The following PHLPP1 variants were observed in gnomAD, a reference collection of about 807,000 sequenced individuals.
The protein encoded by PHLPP1 is PH domain and leucine rich repeat protein phosphatase 1.
In PHLPP1, 42 loss-of-function variants were observed where a neutral mutation model predicts 117.2. The ratio of observed to expected loss-of-function variants is 0.36; its 90% CI spans 0.28 to 0.46. The LOEUF is 0.46. PHLPP1 is among the 20% of genes least tolerant of loss of function. The pLI is 1.00. For synonymous variants in PHLPP1, 1,042 were observed against 970.7 expected, an observed-to-expected ratio of 1.07 and a Z score of -1.37; for missense variants, 2,084 against 2,241.9, an observed-to-expected ratio of 0.93 and a Z score of 1.42.
chr18:62,736,573 T>TG (rs1310527031), intron 1 of PHLPP1, among the ~76,000 whole-genome samples: 2 of 152,210 alleles, frequency 1.3e-5, no homozygotes, highest in Admixed American at 6.5e-5. Context: ...ATATCACTGA[T>TG]TAATTCAGTG....
In PHLPP1 at chr18:62,979,540, CTG is replaced by C; in HGVS notation, c.*111_*112del. 1 of 1,223,054 alleles carries C rather than the reference CTG, an allele frequency of 8.2e-7. No individual in the cohort carries two copies. Among genetic ancestry groups the C allele is most frequent in the Non-Finnish European group, 1.1e-6 (1 of 888,902 alleles). 75.8% of individuals were successfully genotyped at this position (1,223,054 alleles called of 1,614,324 possible). On this transcript the variant is annotated 3_prime_UTR_variant, in exon 17 of 17. Coordinates refer to ENST00000262719, the MANE Select transcript of PHLPP1 (RefSeq NM_194449.4). Reference sequence around the variant, plus strand: ...TTACTCCACATCCTTCCCCCAGACACTGTTCCCAACCTGTCATCGCAGCTAAT... The same window carrying C: ...TTACTCCACATCCTTCCCCCAGACACTTCCCAACCTGTCATCGCAGCTAAT...
At chr18:62,970,500 C>T (rs994416684) in intron 14 of PHLPP1, among the ~76,000 whole-genome samples, 2 of 152,130 alleles carry the variant, frequency 1.3e-5, no homozygotes, top group Non-Finnish European at 2.9e-5. Context: ...CATGGTGGCT[C>T]ATGCCTGTAA....
chr18:62,778,550 G>T (rs115962263), intron 1 of PHLPP1, among the ~76,000 whole-genome samples: 368 of 152,256 alleles, frequency 2.4e-3, no homozygotes, highest in African/African-American at 7.7e-3. Flanking sequence ...ATTGTATACC[G>T]TGCTTATTCC....
intron 10 of PHLPP1, among the ~76,000 whole-genome samples, chr18:62,933,224 A>G (rs1909869360): frequency 6.6e-6 from 1 of 152,204 alleles, no homozygotes; most frequent in Admixed American, 6.5e-5. Context: ...TTCCTATCAA[A>G]CTACCAATGT....
rs1350618876 is a variant in PHLPP1, at chr18:62,838,826, T to A, written c.1816T>A (p.Ser606Thr). ...KKHQHCLAFS[S>T]SGPQSQTYYI... ...GCACCAACACTGTTTAGCATTTAGC[T>A]CCTCTGGACCCCAAAGCCAGACTTA... is the stretch of plus-strand genomic sequence containing the variant. Residue 606 changes from serine to threonine, a missense_variant, in exon 3 of 17, where the codon TCC (serine) becomes ACC (threonine). Physicochemically the swap from Ser to Thr is moderately conservative, Grantham distance 58. Around this residue, in one of 2 missense-constraint regions of PHLPP1, gnomAD observed 1,365 missense variants for 1,605.9 expected, o/e 0.85. Coordinates refer to ENST00000262719, the MANE Select transcript of PHLPP1 (RefSeq NM_194449.4). 6.2e-7 allele frequency: 1 copy of A among 1,613,710 alleles called. No homozygotes were observed.
intron 8 of PHLPP1, among the ~76,000 whole-genome samples, chr18:62,914,699 G>C (rs1917052237): frequency 6.6e-6 from 1 of 152,224 alleles, no homozygotes; most frequent in South Asian, 2.1e-4. Context: ...GTGAGCCACT[G>C]TGCTCTGCCT....
intron 1 of PHLPP1, among the ~76,000 whole-genome samples, chr18:62,776,368 G>A (rs1002417451): frequency 7.2e-5 from 11 of 152,232 alleles, no homozygotes; most frequent in African/African-American, 2.2e-4. Flanking sequence ...TCTTATTGCC[G>A]TCGACTGATT....
At chr18:62,730,133 A>G (rs924501475) in intron 1 of PHLPP1, among the ~76,000 whole-genome samples, 1 of 152,318 alleles carries the variant, frequency 6.6e-6, no homozygotes, top group African/African-American at 2.4e-5. Flanking sequence ...TTTGCTGAAT[A>G]TGGAAAACGT....
intron 1 of PHLPP1, among the ~76,000 whole-genome samples, chr18:62,719,368 A>C (rs1381516115): frequency 6.6e-6 from 1 of 152,246 alleles, no homozygotes; most frequent in Admixed American, 6.5e-5. Flanking sequence ...CATTTGCAGT[A>C]GAACAAAATT....
chr18:62,948,432 G>A (rs1035520269), intron 12 of PHLPP1, among the ~76,000 whole-genome samples: 1 of 152,102 alleles, frequency 6.6e-6, no homozygotes, highest in African/African-American at 2.4e-5. Context: ...TGGATTCCTG[G>A]ATTACAGAAT....
At chr18:62,930,519 A>G (rs1909777160) in intron 10 of PHLPP1, among the ~76,000 whole-genome samples, 1 of 152,206 alleles carries the variant, frequency 6.6e-6, no homozygotes, top group South Asian at 2.1e-4. Flanking sequence ...AGATTTAATT[A>G]TCCTATGTAC....
At chr18:62,976,550 A>T (rs515469) in intron 16 of PHLPP1, among the ~76,000 whole-genome samples, 83,241 of 152,082 alleles carry the variant, frequency 0.55, 23,527 homozygotes, top group African/African-American at 0.68. Flanking sequence ...TAAAGTTGAA[A>T]TCAGTGCATT....
chr18:62,777,488 AT>A (rs1912995839), intron 1 of PHLPP1, among the ~76,000 whole-genome samples: 1 of 149,594 alleles, frequency 6.7e-6, no homozygotes, highest in Non-Finnish European at 1.5e-5. Context: ...GGTTTCTTAT[AT>A]TCTTATTTAT....
At chr18:62,789,493 T>C (rs1332923610) in intron 1 of PHLPP1, among the ~76,000 whole-genome samples, 2 of 152,160 alleles carry the variant, frequency 1.3e-5, no homozygotes, top group East Asian at 3.9e-4. Flanking sequence ...TTTTCTGGGC[T>C]TTTTTAAAAA....
chr18:62,906,042 T>G (rs1052192490), intron 8 of PHLPP1, among the ~76,000 whole-genome samples: 1 of 152,188 alleles, frequency 6.6e-6, no homozygotes, highest in Non-Finnish European at 1.5e-5. Flanking sequence ...AAAAATGTTC[T>G]AAACATAGGG....
intron 1 of PHLPP1, among the ~76,000 whole-genome samples, chr18:62,722,896 A>T (rs951352898): frequency 2.0e-5 from 3 of 152,236 alleles, no homozygotes; most frequent in African/African-American, 7.2e-5. Flanking sequence ...CTTTTTATCA[A>T]GCATAATAAC....
chr18:62,961,337 C>T (rs1391099791), intron 13 of PHLPP1, among the ~76,000 whole-genome samples: 29 of 152,228 alleles, frequency 1.9e-4, no homozygotes, highest in Non-Finnish European at 2.9e-5. Flanking sequence ...GCATTCATTT[C>T]ACTTCAGATA....
At chr18:62,811,544 CTTT>C (rs11389810) in intron 1 of PHLPP1, among the ~76,000 whole-genome samples, 3 of 138,262 alleles carry the variant, frequency 2.2e-5, no homozygotes, top group Admixed American at 7.3e-5. Flanking sequence ...GTTGTTGTGT[CTTT>C]TTTTTTTTTT....
At chr18:62,870,866 C>T (rs1392557966) in intron 4 of PHLPP1, among the ~76,000 whole-genome samples, 1 of 152,182 alleles carries the variant, frequency 6.6e-6, no homozygotes, top group Non-Finnish European at 1.5e-5. Context: ...GGAACTAGTG[C>T]TGTTTGTTTT....
Sources: gnomAD v4.1 joint callset for allele counts (sites outside exome capture counted in the v4.1 genomes callset) on GRCh38, gnomAD v4.1.1 for gene constraint, gnomAD v4.1.1 regional missense constraint, MANE v1.5 for transcripts, NCBI Gene and HGNC (gene_info 2026-07-23, HGNC 2026-07-21) for gene names.